ARHGAP33: variants seen among roughly 807,000 people sequenced by gnomAD.
The protein encoded by ARHGAP33 is Rho GTPase activating protein 33.
A neutral mutation model predicts 126.2 loss-of-function variants in ARHGAP33; 57 were observed. The observed-to-expected ratio is 0.45, with a 90% CI of 0.36 to 0.56. ARHGAP33 has a LOEUF of 0.56. ARHGAP33 is among the 20% of genes least tolerant of loss of function. The pLI, the probability that ARHGAP33 is intolerant of heterozygous loss-of-function variation, is 0.00. For missense variants in ARHGAP33, 1,500 were observed against 1,748.3 expected (o/e 0.86, Z 2.53); for synonymous variants, 711 against 755.0 (o/e 0.94, Z 0.95).
Position 35,786,331 on chromosome 19 carries a change from C to T in ARHGAP33, c.1943-82C>T. Reference sequence around the variant, plus strand: ...CTACTGTGGCCCTCTCCAGGAGGCGCCTCTTCATGTCCTTTCCCCAGCTTT... The same window carrying T: ...CTACTGTGGCCCTCTCCAGGAGGCGTCTCTTCATGTCCTTTCCCCAGCTTT... On this transcript the variant is annotated intron_variant, in intron 19 of 20. Transcript: ENST00000007510. The surrounding 1 kb of genome is among the most constrained non-coding windows in gnomAD (Gnocchi z 7.0). 6.9e-7 allele frequency: 1 copy of T among 1,454,304 alleles called. No homozygotes were observed. 90.1% of individuals were successfully genotyped at this position (1,454,304 alleles called of 1,614,324 possible). A position where few individuals can be genotyped will look rare whatever the true frequency, so the allele number is the denominator to read the frequency against.
chr19:35,781,836 A>G (rs1437629627), intron 12 of ARHGAP33, among the ~76,000 whole-genome samples: 4 of 151,990 alleles, frequency 2.6e-5, no homozygotes, highest in Non-Finnish European at 5.9e-5. Context: ...GAACCGCAGG[A>G]GGGCTCTGAG....
intron 17 of ARHGAP33, 40 bp downstream of exon 17, chr19:35,785,146 C>A: frequency 6.3e-7 from 1 of 1,582,990 alleles, no homozygotes; most frequent in South Asian, 1.1e-5. Flanking sequence ...CAGGTGGAGG[C>A]CTGGTTCCTC....
Position 35,781,137 on chromosome 19 carries a change from T to C in ARHGAP33, c.983-13T>C. 6.5e-7 allele frequency: 1 copy of C among 1,532,736 alleles called. No homozygotes were observed. The highest frequency in any genetic ancestry group is 2.6e-5 in the East Asian group (1 of 38,172). The allele number at this position is 1,532,736 out of a possible 1,614,324, so 94.9% of individuals were successfully genotyped here. On this transcript the variant is annotated splice_polypyrimidine_tract_variant and intron_variant, in intron 11 of 20. Transcript: ENST00000007510. Reference sequence around the variant, plus strand: ...GCTGCGGCCCACCCAGCCCTGACCTTGCTTTCTCCCAGTGCCCCAGGTGCT... The same window carrying C: ...GCTGCGGCCCACCCAGCCCTGACCTCGCTTTCTCCCAGTGCCCCAGGTGCT...
chr19:35,785,187 A>T lies in ARHGAP33; in HGVS notation c.1722-2A>T. 2 of 1,575,398 alleles carry T rather than the reference A, an allele frequency of 1.3e-6. No homozygotes were observed. The highest frequency in any genetic ancestry group is 1.7e-6 in the Non-Finnish European group (2 of 1,156,776). ...GCCTCCTGTTTCTCCCCCAAACCGC[A>T]GGAGGAAAGGGGAGAGAGGGGAGAA... is the stretch of plus-strand genomic sequence containing the variant. On this transcript the variant is annotated splice_acceptor_variant, in intron 17 of 20. Transcript: ENST00000007510. LOFTEE classifies it high-confidence loss of function.
Position 35,788,212 on chromosome 19 carries a change from C to G in ARHGAP33, c.3647C>G (p.Pro1216Arg). 6.2e-7 allele frequency: 1 copy of G among 1,609,266 alleles called. No individual in the cohort carries two copies. The highest frequency in any genetic ancestry group is 8.5e-7 in the Non-Finnish European group (1 of 1,178,548). Residue 1216 changes from proline (P) to arginine (R), a missense_variant, in exon 21 of 21, where the codon CCC (proline) becomes CGC (arginine). Coordinates refer to ENST00000007510, the MANE Select transcript of ARHGAP33 (RefSeq NM_001366178.1). Reference protein sequence around the residue: ...LPQKQRAPWGPRTPHRVPGPW... With the variant: ...LPQKQRAPWGRRTPHRVPGPW... ...CAGAAACAACGGGCACCCTGGGGAC[C>G]CCGTACCCCTCATAGGGTGCCGGGT...
rs370096566 is a variant in ARHGAP33 at position 35,780,467 on chromosome 19, G to A, written c.671G>A (p.Arg224Gln). Residue 224 changes from arginine (R) to glutamine (Q), a missense_variant, in exon 8 of 21, where the codon CGG (arginine) becomes CAG (glutamine). This residue lies in a region of ARHGAP33 where 281 missense variants were observed against 413.7 expected (regional missense o/e 0.68). Transcript: ENST00000007510. ...SVIDMPPTED[R>Q]SWWRGKRGFQ... ...ATCGACATGCCACCCACAGAGGATC[G>A]GAGCTGGTGGCGGGGCAAGCGAGGC... 1.8e-5 allele frequency: 29 copies of A among 1,603,486 alleles called. No homozygotes were observed. Among genetic ancestry groups the A allele is most frequent in the Non-Finnish European group, 2.2e-5 (26 of 1,173,168 alleles).
rs986060251 is a variant in ARHGAP33 at position 35,787,247 on chromosome 19, G to T, written c.2682G>T (p.Lys894Asn). 6.2e-7 allele frequency: 1 copy of T among 1,603,780 alleles called. No homozygotes were observed. Residue 894 changes from lysine (K) to asparagine (N), a missense_variant, in exon 21 of 21, where the codon AAG (lysine) becomes AAT (asparagine). Lys to Asn is a moderately conservative substitution (Grantham distance 94). Transcript: ENST00000007510. ...RPGGAPPPPP[K>N]NPARLMALAL... is the part of the protein sequence containing the mutation. Reference sequence around the variant, plus strand: ...GGGGTGCCCCACCCCCGCCCCCTAAGAACCCAGCACGCCTCATGGCCCTGG... The same window carrying T: ...GGGGTGCCCCACCCCCGCCCCCTAATAACCCAGCACGCCTCATGGCCCTGG...
At position 35,782,380 on chromosome 19, in the gene ARHGAP33, T is replaced by C; in HGVS notation, c.1093T>C (p.Phe365Leu). Residue 365 changes from phenylalanine (F) to leucine (L), a missense_variant, in exon 13 of 21, where the codon TTT (phenylalanine) becomes CTT (leucine). Coordinates refer to ENST00000007510, the MANE Select transcript of ARHGAP33 (RefSeq NM_001366178.1). This position sits in a 1 kb window ranked among gnomAD's most constrained non-coding sequence, Gnocchi z 4.1. ...TTGACACGGTGGTCTCAGGCACGAG[T>C]TTGACAGTGAGAGGATCCCGGAGCT... The part of the protein sequence containing the change: ...SSNIQRLRHE[F>L]DSERIPELSG... The C allele has an allele frequency of 6.2e-7, 1 of 1,602,554 alleles. No individual in the cohort carries two copies. Among genetic ancestry groups the C allele is most frequent in the Non-Finnish European group, 8.5e-7 (1 of 1,170,628 alleles).
Position 35,775,714 on chromosome 19 carries a change from C to T in ARHGAP33, c.6+50C>T, listed in dbSNP as rs771808384. The T allele has an allele frequency of 7.4e-6, 11 of 1,488,664 alleles. No homozygotes were observed. The South Asian group carries it at 1.3e-4, about 17-fold the overall frequency. 92.2% of individuals were successfully genotyped at this position (1,488,664 alleles called of 1,614,324 possible). On this transcript the variant is annotated intron_variant, in intron 1 of 20. Transcript: ENST00000007510. Reference sequence around the variant, plus strand: ...CCTGTCCGTCCGGATGTCAGTCTGTCCGTGCGCAGCCCCGCCCCGCGCGCC... The same window carrying T: ...CCTGTCCGTCCGGATGTCAGTCTGTTCGTGCGCAGCCCCGCCCCGCGCGCC...
chr19:35,782,522 G>A lies in ARHGAP33; in HGVS notation c.1230+5G>A. 1.9e-6 allele frequency: 3 copies of A among 1,613,532 alleles called. No individual in the cohort carries two copies. Among genetic ancestry groups the A allele is most frequent in the Non-Finnish European group, 2.5e-6 (3 of 1,179,550 alleles). ...CAGCTCTATGGGAAGTTCAGTGTGA[G>A]TAAGGGAGCTGGCGGGACGGAGGGG... is the stretch of plus-strand genomic sequence containing the variant. On this transcript the variant is annotated splice_donor_5th_base_variant and intron_variant, in intron 13 of 20. Transcript: ENST00000007510. The surrounding 1 kb of genome is among the most constrained non-coding windows in gnomAD (Gnocchi z 4.1).
chr19:35,786,484 G>T lies in ARHGAP33; in HGVS notation c.2014G>T (p.Ala672Ser). 6.5e-7 allele frequency: 1 copy of T among 1,535,884 alleles called. No individual in the cohort carries two copies. The highest frequency in any genetic ancestry group is 8.7e-7 in the Non-Finnish European group (1 of 1,146,776). Residue 672 changes from alanine to serine, a missense_variant, in exon 20 of 21, where the codon GCT becomes TCT. Around this residue, in one of 6 missense-constraint regions of ARHGAP33, gnomAD observed 300 missense variants for 291.1 expected, o/e 1.03. Coordinates refer to ENST00000007510, the MANE Select transcript of ARHGAP33 (RefSeq NM_001366178.1). The surrounding 1 kb of genome is among the most constrained non-coding windows in gnomAD (Gnocchi z 7.0). Reference protein sequence around the residue: ...SDAFPVGPAPAGSCESLSSSS... With the variant: ...SDAFPVGPAPSGSCESLSSSS... ...CGCTTTCCCTGTGGGCCCAGCACCT[G>T]CTGGCTCCTGCGAGAGCCTGTCCTC...
intron 1 of ARHGAP33, 136 bp downstream of exon 1, chr19:35,775,800 C>A: frequency 3.5e-6 from 3 of 864,930 alleles, no homozygotes; most frequent in Non-Finnish European, 4.9e-6. Context: ...TCCCGTCCTG[C>A]GGCCCCATCC....
Position 35,784,985 on chromosome 19 carries a change from G to T in ARHGAP33, c.1600G>T (p.Ala534Ser). ...RCLLPRPKSL[A>S]GSCPSTRLLT... ...CCTGCTCCCCAGGCCCAAGTCCCTT[G>T]CGGGCAGCTGCCCCTCCACCCGCCT... The change falls in exon 17 of 21, where the codon GCG becomes TCG. Residue 534 changes from alanine (A) to serine (S), a missense_variant. By Grantham distance (99) the Ala-to-Ser change is moderately conservative (BLOSUM62 1). Around this residue, in one of 6 missense-constraint regions of ARHGAP33, gnomAD observed 300 missense variants for 291.1 expected, o/e 1.03. Transcript: ENST00000007510. 2 of 1,545,438 alleles carry T rather than the reference G, an allele frequency of 1.3e-6. No homozygotes were observed. The highest frequency in any genetic ancestry group is 1.7e-6 in the Non-Finnish European group (2 of 1,146,718).
chr19:35,779,254 G>A, intron 6 of ARHGAP33, 130 bp downstream of exon 6: 2 of 685,132 alleles, frequency 2.9e-6, no homozygotes, highest in Admixed American at 5.6e-5. Flanking sequence ...TGATATTTTA[G>A]TGTCTGTGTG....
Position 35,787,722 on chromosome 19 carries a change from T to A in ARHGAP33, c.3157T>A (p.Tyr1053Asn). The A allele has an allele frequency of 6.3e-7, 1 of 1,589,772 alleles. No individual in the cohort carries two copies. Among genetic ancestry groups the A allele is most frequent in the Non-Finnish European group, 8.5e-7 (1 of 1,172,298 alleles). Residue 1053 changes from tyrosine (Y) to asparagine (N), a missense_variant, in exon 21 of 21, where the codon TAC (tyrosine) becomes AAC (asparagine). This residue lies in a region of ARHGAP33 where 642 missense variants were observed against 634.0 expected (regional missense o/e 1.01). Transcript: ENST00000007510. ...CCTCGGGGTCCCCAAGCCAGGCTTG[T>A]ACCCCCTGGGCCCCCCATCCTTCCA... The part of the protein sequence containing the change: ...PFLGVPKPGL[Y>N]PLGPPSFQPS...
rs61762677 is a variant in ARHGAP33, at chr19:35,785,477, G to T, written c.1936G>T (p.Gly646Trp). 1.2e-6 allele frequency: 2 copies of T among 1,614,078 alleles called. No individual in the cohort carries two copies. The highest frequency in any genetic ancestry group is 1.7e-6 in the Non-Finnish European group (2 of 1,180,018). Residue 646 changes from glycine to tryptophan, a missense_variant, in exon 19 of 21, where the codon GGG becomes TGG. Physicochemically the swap from Gly to Trp is radical, Grantham distance 184. Transcript: ENST00000007510. ...GGAGTCTCTGTCATCGCAGGCCAGCGGGGCTGGTGAGCAAGGCGGGCAATT... is the reference window on the plus strand; with the variant it reads ...GGAGTCTCTGTCATCGCAGGCCAGCTGGGCTGGTGAGCAAGGCGGGCAATT... ...SEESLSSQAS[G>W]AGLQRLHRLR...
Position 35,781,003 on chromosome 19 carries a change from C to T in ARHGAP33, c.913C>T (p.Arg305Trp), listed in dbSNP as rs868230783. The T allele has an allele frequency of 3.7e-6, 6 of 1,611,652 alleles. No individual in the cohort carries two copies. The highest frequency in any genetic ancestry group is 1.6e-4 in the Middle Eastern group (1 of 6,084). The change falls in exon 11 of 21, where the codon CGG (arginine) becomes TGG (tryptophan). Residue 305 changes from arginine (R) to tryptophan (W), a missense_variant. This residue lies in a region of ARHGAP33 where 281 missense variants were observed against 413.7 expected (regional missense o/e 0.68). Transcript: ENST00000007510. ...SRPSRQRLRQ[R>W]GILRQRVFGC... is the part of the protein sequence containing the mutation. ...CCCTTCTCGGCAGCGGCTGCGGCAG[C>T]GGGGAATCCTGCGACAGAGGGTGTT... is the stretch of plus-strand genomic sequence containing the variant.
intron 5 of ARHGAP33, 99 bp from the exon 6 acceptor site, chr19:35,778,933 G>T: frequency 9.8e-7 from 1 of 1,019,328 alleles, no homozygotes; most frequent in Non-Finnish European, 1.5e-6. Flanking sequence ...CATGTGTTCA[G>T]GATGAACTTC....
rs1972062326 is a variant in ARHGAP33, at chr19:35,785,442, C to T, written c.1901C>T (p.Ala634Val). ...CCCGACACCGTCACACTGAGATCTG[C>T]CAAGAGCGAGGAGTCTCTGTCATCG... The part of the protein sequence containing the change: ...SRPDTVTLRS[A>V]KSEESLSSQA... The change falls in exon 19 of 21, where the codon GCC becomes GTC. Residue 634 changes from alanine (A) to valine (V), a missense_variant. Coordinates refer to ENST00000007510, the MANE Select transcript of ARHGAP33 (RefSeq NM_001366178.1). The T allele has an allele frequency of 1.2e-6, 2 of 1,614,208 alleles. No homozygotes were observed. The highest frequency in any genetic ancestry group is 2.2e-5 in the East Asian group (1 of 44,886).
Sources: gnomAD v4.1 joint callset for allele counts (sites outside exome capture counted in the v4.1 genomes callset) on GRCh38, gnomAD v4.1.1 for gene constraint, gnomAD v4.1.1 regional missense constraint, Gnocchi (gnomAD v3.1) non-coding constraint, MANE v1.5 for transcripts, NCBI Gene and HGNC (gene_info 2026-07-23, HGNC 2026-07-21) for gene names.